The following RAB38 variants were observed in gnomAD, a reference collection of about 807,000 sequenced individuals.
The protein encoded by RAB38 is RAB38, member RAS oncogene family, also known as ras-related protein Rab-38.
Under a neutral mutation model 18.4 loss-of-function variants are expected in RAB38, and 15 were observed. The observed-to-expected ratio is 0.82, with a 90% CI of 0.55 to 1.26. The LOEUF (loss-of-function observed/expected upper bound fraction) is 1.26. Among genes scored for constraint, RAB38 ranks in the 50% most tolerant of loss-of-function variants. The pLI, the probability that RAB38 is intolerant of heterozygous loss-of-function variation, is 0.00. For missense variants in RAB38, 294 were observed against 267.4 expected, an observed-to-expected ratio of 1.10 and a Z score of -0.69; for synonymous variants, 101 against 104.4, an observed-to-expected ratio of 0.97 and a Z score of 0.20.
the RAB38 span, among the ~76,000 whole-genome samples, chr11:87,849,357 G>C: frequency 2.6e-5 from 4 of 152,144 alleles, no homozygotes; most frequent in African/African-American, 9.7e-5. Context: ...TCTGGGCTAT[G>C]AGTTATGTGG....
chr11:88,026,566 A>C, the RAB38 span, among the ~76,000 whole-genome samples: 24 of 120,834 alleles, frequency 2.0e-4, no homozygotes, highest in Middle Eastern at 4.0e-3. Flanking sequence ...CTGTCACAAA[A>C]AAAAAAAAAA....
the RAB38 span, among the ~76,000 whole-genome samples, chr11:88,023,812 T>C: frequency 6.6e-6 from 1 of 152,108 alleles, no homozygotes; most frequent in Non-Finnish European, 1.5e-5. Flanking sequence ...ATCTCTTCAA[T>C]AAATGATGCT....
the RAB38 span, among the ~76,000 whole-genome samples, chr11:88,029,276 T>G: frequency 5.3e-5 from 8 of 151,958 alleles, no homozygotes; most frequent in Non-Finnish European, 1.2e-4. Flanking sequence ...TACAAAATCA[T>G]GCCAAAATGT....
intron 1 of RAB38, among the ~76,000 whole-genome samples, chr11:88,159,234 T>TAAAA (rs1555012344): frequency 8.3e-4 from 116 of 139,100 alleles, no homozygotes; most frequent in Admixed American, 2.0e-3. Flanking sequence ...AATAAATAAA[T>TAAAA]AAAAATAAAA....
chr11:87,859,608 A>T, the RAB38 span, among the ~76,000 whole-genome samples: 7 of 152,130 alleles, frequency 4.6e-5, no homozygotes, highest in Non-Finnish European at 1.5e-5. Context: ...CATTAGTAAG[A>T]TATCTTTTGG....
chr11:87,806,762 A>G, the RAB38 span, among the ~76,000 whole-genome samples: 1 of 152,210 alleles, frequency 6.6e-6, no homozygotes, highest in Non-Finnish European at 1.5e-5. Context: ...TTGTTTATTA[A>G]TCAATGTTGC....
chr11:88,108,337 C>A (rs1377857443), downstream of RAB38, among the ~76,000 whole-genome samples: 1 of 152,160 alleles, frequency 6.6e-6, no homozygotes, highest in Non-Finnish European at 1.5e-5. Flanking sequence ...GGATAGTTAG[C>A]TCTTCTTTTG....
the RAB38 span, among the ~76,000 whole-genome samples, chr11:88,025,632 T>C: frequency 1.2e-4 from 18 of 152,220 alleles, no homozygotes; most frequent in Non-Finnish European, 2.2e-4. Context: ...ATAAGTGATA[T>C]GGAGCATTTT....
chr11:87,807,540 C>A, the RAB38 span, among the ~76,000 whole-genome samples: 3 of 152,084 alleles, frequency 2.0e-5, no homozygotes. Flanking sequence ...AAGACATAAA[C>A]CATGCTGACT....
chr11:87,956,984 G>GT, the RAB38 span, among the ~76,000 whole-genome samples: 167 of 33,454 alleles, frequency 5.0e-3, 1 homozygote, highest in South Asian at 0.093. Flanking sequence ...GCAGTTTTTT[G>GT]GGGGGGGGTC....
At chr11:87,900,802 GAAAT>G in the RAB38 span, among the ~76,000 whole-genome samples, 22 of 149,712 alleles carry the variant, frequency 1.5e-4, no homozygotes, top group Admixed American at 5.3e-4. Flanking sequence ...AAAAAGATAA[GAAAT>G]AAAGCAAAAA....
chr11:87,857,937 C>A, the RAB38 span, among the ~76,000 whole-genome samples: 2 of 152,122 alleles, frequency 1.3e-5, no homozygotes, highest in South Asian at 4.2e-4. Context: ...AAGTCCTTGT[C>A]CATGCCTATG....
chr11:87,871,143 G>A, the RAB38 span, among the ~76,000 whole-genome samples: 3 of 151,554 alleles, frequency 2.0e-5, no homozygotes, highest in Non-Finnish European at 4.4e-5. Context: ...TCACCTGAGG[G>A]TCTAAACATG....
the RAB38 span, among the ~76,000 whole-genome samples, chr11:87,948,728 C>T: frequency 0.17 from 22,756 of 137,526 alleles, 2,007 homozygotes; most frequent in South Asian, 0.29. Context: ...GCCTTGCATC[C>T]CAGGGATGAA....
chr11:88,152,485 A>G (rs1046388388), intron 1 of RAB38, among the ~76,000 whole-genome samples: 1 of 152,186 alleles, frequency 6.6e-6, no homozygotes, highest in South Asian at 2.1e-4. Context: ...CAGATCAGAA[A>G]TAAGAAGACA....
At chr11:87,930,035 G>A in the RAB38 span, among the ~76,000 whole-genome samples, 6 of 152,236 alleles carry the variant, frequency 3.9e-5, no homozygotes, top group Admixed American at 6.5e-5. Context: ...ACGTGTGCAC[G>A]TGTCTTTATA....
the RAB38 span, among the ~76,000 whole-genome samples, chr11:88,026,556 C>G: frequency 1.9e-5 from 2 of 103,604 alleles, no homozygotes; most frequent in African/African-American, 8.1e-5. Flanking sequence ...GAGCGAGACT[C>G]TGTCACAAAA....
At chr11:88,033,092 T>C in the RAB38 span, among the ~76,000 whole-genome samples, 10 of 151,934 alleles carry the variant, frequency 6.6e-5, no homozygotes, top group African/African-American at 2.4e-4. Flanking sequence ...ATCGATGAAA[T>C]TGGAAATCAT....
At chr11:87,891,936 G>A in the RAB38 span, among the ~76,000 whole-genome samples, 1 of 151,728 alleles carries the variant, frequency 6.6e-6, no homozygotes, top group East Asian at 2.0e-4. Context: ...ATGAAACCCT[G>A]CATCATGTGA....
Sources: allele counts gnomAD v4.1 joint callset (sites outside exome capture counted in the v4.1 genomes callset), GRCh38; gene constraint gnomAD v4.1.1; transcripts MANE v1.5; gene names NCBI Gene and HGNC (gene_info 2026-07-23, HGNC 2026-07-21).